BMX: variants seen among roughly 807,000 people sequenced by gnomAD.
BMX encodes the protein cytoplasmic tyrosine-protein kinase BMX.
A neutral mutation model predicts 59.2 loss-of-function variants in BMX; 31 were observed. The ratio of observed to expected loss-of-function variants is 0.52; its 90% confidence interval spans 0.39 to 0.71. The LOEUF (loss-of-function observed/expected upper bound fraction) is 0.71. BMX is among the 30% of genes least tolerant of loss of function. The pLI is 0.00. For synonymous variants in BMX, 185 were observed against 181.0 expected (o/e 1.02, Z -0.18); for missense variants, 474 against 491.7 (o/e 0.96, Z 0.34).
intron 12 of BMX, among the ~76,000 whole-genome samples, chrX:15,535,543 T>G (rs1050596743): frequency 8.9e-6 from 1 of 112,193 alleles, no homozygotes; most frequent in African/African-American, 3.2e-5. Flanking sequence ...ATTAAGATGT[T>G]TATTTATATT....
At chrX:15,531,034 C>T (rs928906341) in intron 10 of BMX, among the ~76,000 whole-genome samples, 1 of 110,935 alleles carries the variant, frequency 9.0e-6, no homozygotes, top group Non-Finnish European at 1.9e-5. Flanking sequence ...AGGCATGATA[C>T]GGTGATACAC....
chrX:15,520,966 A>G (rs1174194607), intron 6 of BMX, among the ~76,000 whole-genome samples: 5 of 111,833 alleles, frequency 4.5e-5, no homozygotes. Context: ...AAATTTCTGA[A>G]AAACTAAAAT....
At chrX:15,544,245 T>A (rs1925840564) in intron 16 of BMX, among the ~76,000 whole-genome samples, 1 of 110,961 alleles carries the variant, frequency 9.0e-6, no homozygotes, top group Non-Finnish European at 1.9e-5. Flanking sequence ...TAGGGGATGC[T>A]TTTTGACCCT....
intron 8 of BMX, 102 bp from the exon 9 acceptor site, chrX:15,525,940 T>C (rs1290674975): frequency 1.5e-6 from 1 of 667,004 alleles, no homozygotes; most frequent in Non-Finnish European, 2.3e-6. Context: ...AAATGTTATT[T>C]AGGTGGATAA....
intron 3 of BMX, among the ~76,000 whole-genome samples, chrX:15,509,922 A>G (rs765273947): frequency 8.9e-6 from 1 of 111,839 alleles, no homozygotes; most frequent in Non-Finnish European, 1.9e-5. Context: ...GAGATATTCT[A>G]TTGGAGGTGA....
intron 18 of BMX, among the ~76,000 whole-genome samples, chrX:15,555,729 G>T (rs772952311): frequency 9.0e-6 from 1 of 111,587 alleles, no homozygotes; most frequent in African/African-American, 3.3e-5. Flanking sequence ...CTCTCCTAGT[G>T]AATTCCTTTA....
chrX:15,528,859 G>T (rs1924926850), intron 9 of BMX, among the ~76,000 whole-genome samples: 1 of 111,864 alleles, frequency 8.9e-6, no homozygotes, highest in African/African-American at 3.3e-5. Flanking sequence ...CCTGATTCTT[G>T]ATTTTCTTCC....
chrX:15,504,098 C>T (rs1923660568), intron 1 of BMX, among the ~76,000 whole-genome samples: 1 of 111,989 alleles, frequency 8.9e-6, no homozygotes, highest in South Asian at 3.7e-4. Context: ...AGTCTAATTT[C>T]AATGTGCTCC....
intron 4 of BMX, among the ~76,000 whole-genome samples, chrX:15,513,707 A>T (rs747250255): frequency 1.6e-4 from 18 of 112,076 alleles, no homozygotes; most frequent in African/African-American, 5.8e-4. Flanking sequence ...TCAGCTAACC[A>T]GATGTGGAAA....
intron 6 of BMX, 147 bp downstream of exon 6, chrX:15,518,140 G>A: frequency 2.4e-6 from 1 of 425,402 alleles, no homozygotes; most frequent in Non-Finnish European, 3.9e-6. Flanking sequence ...ATAGCTATGG[G>A]TGGTATTGAA....
chrX:15,509,898 T>C (rs751411699), intron 3 of BMX, among the ~76,000 whole-genome samples: 1 of 111,555 alleles, frequency 9.0e-6, no homozygotes, highest in East Asian at 2.8e-4. Flanking sequence ...CATTCCTCAC[T>C]CCAAGAGGCT....
At chrX:15,551,544 T>TATA (rs11411554) in intron 18 of BMX, among the ~76,000 whole-genome samples, 65 of 92,550 alleles carry the variant, frequency 7.0e-4, no homozygotes, top group African/African-American at 1.3e-3. Context: ...TATATATATA[T>TATA]TTTTTTTTTT....
chrX:15,509,741 G>C (rs957555986), intron 3 of BMX, among the ~76,000 whole-genome samples: 1 of 110,970 alleles, frequency 9.0e-6, no homozygotes, highest in Non-Finnish European at 1.9e-5. Flanking sequence ...GGCATACTAT[G>C]GGGAACAAAA....
At chrX:15,526,854 G>C (rs2147119830) in intron 9 of BMX, among the ~76,000 whole-genome samples, 1 of 110,632 alleles carries the variant, frequency 9.0e-6, no homozygotes, top group African/African-American at 3.3e-5. Context: ...CCAAAGTGCT[G>C]GGATTACAGG....
chrX:15,541,880 G>C, intron 14 of BMX, 102 bp from the exon 15 acceptor site: 1 of 716,112 alleles, frequency 1.4e-6, no homozygotes, highest in Non-Finnish European at 2.2e-6. Context: ...AAGAGGGTGG[G>C]GGTGGGAATT....
At chrX:15,519,116 C>T (rs73635810) in intron 6 of BMX, among the ~76,000 whole-genome samples, 10,425 of 111,222 alleles carry the variant, frequency 0.094, 1,168 homozygotes, top group African/African-American at 0.32. Context: ...TTTTAGGGTT[C>T]CCAGGCAGGT....
intron 12 of BMX, 116 bp downstream of exon 12, chrX:15,534,455 A>AC: frequency 1.4e-6 from 1 of 692,625 alleles, no homozygotes; most frequent in Non-Finnish European, 1.9e-6. Context: ...AGTAGGAAAA[A>AC]ATCCTCTCAA....
chrX:15,510,463 G>A (rs1250123174), intron 3 of BMX, among the ~76,000 whole-genome samples: 1 of 111,555 alleles, frequency 9.0e-6, no homozygotes, highest in Non-Finnish European at 1.9e-5. Context: ...ATCACTTAAG[G>A]CTGGGAGTTC....
intron 11 of BMX, 78 bp downstream of exon 11, chrX:15,531,485 GA>G: frequency 1.2e-6 from 1 of 844,151 alleles, no homozygotes; most frequent in Admixed American, 2.5e-5. Context: ...CACATTTTGG[GA>G]TAAGACATCA....
Sources: gnomAD v4.1 joint callset for allele counts (sites outside exome capture counted in the v4.1 genomes callset) on GRCh38, gnomAD v4.1.1 for gene constraint, MANE v1.5 for transcripts, NCBI Gene and HGNC (gene_info 2026-07-23, HGNC 2026-07-21) for gene names.